The following CDK14 variants were observed in gnomAD, a reference collection of about 807,000 sequenced individuals.
CDK14 encodes cyclin dependent kinase 14.
Under a neutral mutation model 60.7 loss-of-function variants are expected in CDK14, and 34 were observed. The observed-to-expected ratio is 0.56, with a 90% CI of 0.43 to 0.75. The LOEUF is 0.75. Ranked by LOEUF, CDK14 falls within the 30% of genes least tolerant of loss-of-function variation. The pLI, the probability that CDK14 is intolerant of heterozygous loss-of-function variation, is 0.00. For synonymous variants in CDK14, 197 were observed against 203.7 expected, an observed-to-expected ratio of 0.97 and a Z score of 0.28; for missense variants, 482 against 564.1, an observed-to-expected ratio of 0.85 and a Z score of 1.47.
At chr7:90,644,161 C>T (rs985401599) in intron 2 of CDK14, among the ~76,000 whole-genome samples, 14 of 152,188 alleles carry the variant, frequency 9.2e-5, no homozygotes, top group South Asian at 4.1e-4. Flanking sequence ...GGGTCCTGAC[C>T]AGGAACCAAA....
At chr7:91,197,083 C>A (rs904133803) in intron 14 of CDK14, among the ~76,000 whole-genome samples, 5 of 152,126 alleles carry the variant, frequency 3.3e-5, no homozygotes, top group Non-Finnish European at 7.4e-5. Flanking sequence ...CTGCCCCCAC[C>A]ACCCACATTT....
chr7:90,956,137 C>T (rs954893808), intron 9 of CDK14, among the ~76,000 whole-genome samples: 30 of 152,066 alleles, frequency 2.0e-4, no homozygotes, highest in African/African-American at 6.5e-4. Context: ...TATCTCCAGA[C>T]GGCAACAGGA....
At chr7:90,905,808 A>G (rs755871689) in intron 7 of CDK14, among the ~76,000 whole-genome samples, 2 of 152,174 alleles carry the variant, frequency 1.3e-5, no homozygotes, top group Non-Finnish European at 2.9e-5. Context: ...TTCATATTGA[A>G]GATAATAGTG....
intron 6 of CDK14, among the ~76,000 whole-genome samples, chr7:90,887,112 G>C (rs1459804047): frequency 3.9e-5 from 6 of 152,064 alleles, no homozygotes; most frequent in Admixed American, 1.3e-4. Context: ...TTGTTTGTTT[G>C]TTTGCTGTTA....
chr7:90,827,149 T>G (rs1789754191), intron 5 of CDK14, among the ~76,000 whole-genome samples: 2 of 152,030 alleles, frequency 1.3e-5, no homozygotes, highest in African/African-American at 4.8e-5. Flanking sequence ...CACTCATGTT[T>G]CTGTCTTAAT....
intron 4 of CDK14, among the ~76,000 whole-genome samples, chr7:90,770,856 A>G (rs180998269): frequency 1.3e-5 from 2 of 152,284 alleles, no homozygotes; most frequent in East Asian, 1.9e-4. Flanking sequence ...GACTATCTCC[A>G]TGACCAAACT....
chr7:91,093,167 G>A (rs1798877650), intron 12 of CDK14, among the ~76,000 whole-genome samples: 1 of 152,194 alleles, frequency 6.6e-6, no homozygotes, highest in African/African-American at 2.4e-5. Context: ...TGGTTCAGAT[G>A]TGTGCGTGTC....
At chr7:91,065,171 G>A (rs559358693) in intron 11 of CDK14, among the ~76,000 whole-genome samples, 1 of 152,124 alleles carries the variant, frequency 6.6e-6, no homozygotes, top group South Asian at 2.1e-4. Flanking sequence ...TATAGCCAGG[G>A]CAAGTTCAGA....
chr7:90,747,589 CAG>C, intron 3 of CDK14, 90 bp from the exon 4 acceptor site: 3 of 702,698 alleles, frequency 4.3e-6, no homozygotes, highest in Non-Finnish European at 7.3e-6. Context: ...TAAAAAGTGA[CAG>C]AGAATCTGTA....
chr7:90,812,741 G>T (rs974630616), intron 5 of CDK14, among the ~76,000 whole-genome samples: 7 of 152,114 alleles, frequency 4.6e-5, no homozygotes, highest in African/African-American at 1.7e-4. Flanking sequence ...CCAGTATAAC[G>T]GTTATAATTG....
intron 2 of CDK14, chr7:90,709,998 T>C: frequency 1.0e-6 from 1 of 981,352 alleles, no homozygotes. Flanking sequence ...GGGGTTTTAA[T>C]TTGGAGCATC....
chr7:91,088,752 T>C (rs1320928460), intron 12 of CDK14, among the ~76,000 whole-genome samples: 2 of 152,176 alleles, frequency 1.3e-5, no homozygotes, highest in African/African-American at 4.8e-5. Flanking sequence ...AGACTTGATA[T>C]ACAAACATAA....
intron 4 of CDK14, among the ~76,000 whole-genome samples, chr7:90,751,998 C>T (rs980341006): frequency 1.3e-5 from 2 of 152,168 alleles, no homozygotes; most frequent in African/African-American, 4.8e-5. Flanking sequence ...AATATATATG[C>T]ATGCAACATT....
rs574926014 is a variant in CDK14 at position 91,199,334 on chromosome 7, T to TA, written c.*29-7822dup. Reference sequence around the variant, plus strand: ...TATACAATATTATATGTTTTTTTATTAAAAAAAAAGATTAAACATGCCTTG... The same window carrying TA: ...TATACAATATTATATGTTTTTTTATTAAAAAAAAAAGATTAAACATGCCTTG... On this transcript the variant is annotated intron_variant, in intron 14 of 14. Coordinates refer to ENST00000380050, the MANE Select transcript of CDK14 (RefSeq NM_001287135.2). 5.8e-3 allele frequency among the ~76,000 whole-genome samples: 873 copies of TA among 151,442 alleles called. 5 individuals are homozygous for TA. Among genetic ancestry groups the TA allele is most frequent in the African/African-American group, 0.02 (807 of 41,346 alleles).
At chr7:90,863,871 T>G (rs1188928710) in intron 6 of CDK14, among the ~76,000 whole-genome samples, 2 of 152,176 alleles carry the variant, frequency 1.3e-5, no homozygotes, top group African/African-American at 4.8e-5. Flanking sequence ...TAATTAATTC[T>G]TCTCCATTTC....
chr7:91,062,301 C>A (rs957473641), intron 11 of CDK14, among the ~76,000 whole-genome samples: 10 of 152,144 alleles, frequency 6.6e-5, no homozygotes, highest in Non-Finnish European at 1.5e-5. Context: ...TGTCTGTCAC[C>A]CCTTTCCTTG....
chr7:90,936,374 A>G (rs1584142620), intron 8 of CDK14, among the ~76,000 whole-genome samples: 1 of 152,246 alleles, frequency 6.6e-6, no homozygotes, highest in East Asian at 1.9e-4. Flanking sequence ...CACAAATTTT[A>G]TATCGAAATC....
chr7:90,669,441 A>T (rs1030476592), intron 2 of CDK14, among the ~76,000 whole-genome samples: 3 of 152,176 alleles, frequency 2.0e-5, no homozygotes, highest in Admixed American at 2.0e-4. Flanking sequence ...CTGGAGCTAC[A>T]GTGGTTGTTT....
intron 5 of CDK14, among the ~76,000 whole-genome samples, chr7:90,821,972 A>G (rs979879348): frequency 5.9e-5 from 9 of 152,158 alleles, no homozygotes; most frequent in Non-Finnish European, 5.9e-5. Flanking sequence ...TCCTTCTGGA[A>G]TGTCCCCTCT....
Sources: allele counts gnomAD v4.1 joint callset (sites outside exome capture counted in the v4.1 genomes callset), GRCh38; gene constraint gnomAD v4.1.1; transcripts MANE v1.5; gene names NCBI Gene and HGNC (gene_info 2026-07-23, HGNC 2026-07-21).